Variants in PRKAR2B observed in about 807,000 individuals in gnomAD.
The protein encoded by PRKAR2B is protein kinase cAMP-dependent type II regulatory subunit beta, also known as cAMP-dependent protein kinase type II-beta regulatory subunit.
PRKAR2B carries 14 observed loss-of-function variants against 49.9 expected under a neutral mutation model. That is an observed-to-expected ratio of 0.28 (90% CI 0.19 to 0.44). PRKAR2B has a LOEUF of 0.44. Among genes scored for constraint, PRKAR2B ranks in the 20% least tolerant of loss-of-function variants. The pLI is 1.00. For synonymous variants in PRKAR2B, 196 were observed against 197.7 expected, an observed-to-expected ratio of 0.99 and a Z score of 0.07; for missense variants, 393 against 537.9, an observed-to-expected ratio of 0.73 and a Z score of 2.67.
rs1413812709 is a variant in PRKAR2B, at chr7:107,103,082, A to C, written c.344-18870A>C. 3.9e-5 allele frequency among the ~76,000 whole-genome samples: 6 copies of C among 152,234 alleles called. No individual in the cohort carries two copies. The East Asian group carries it at 1.2e-3, about 29-fold the overall frequency. On this transcript the variant is annotated intron_variant, in intron 2 of 10. Transcript: ENST00000265717. The stretch of plus-strand genomic sequence containing the variant: ...GAAATGTTCATATTTCAAACATAAG[A>C]AGGGATTAAAACAAAAATGTTTTCT...
chr7:107,058,306 C>T (rs1375491730), intron 1 of PRKAR2B, among the ~76,000 whole-genome samples: 1 of 152,086 alleles, frequency 6.6e-6, no homozygotes, highest in Non-Finnish European at 1.5e-5. Flanking sequence ...AAACTGTGTG[C>T]CTGAAATACA....
At chr7:107,124,553 G>A (rs917510698) in intron 3 of PRKAR2B, among the ~76,000 whole-genome samples, 2 of 152,232 alleles carry the variant, frequency 1.3e-5, no homozygotes, top group Non-Finnish European at 2.9e-5. Context: ...GAGTAGCTGG[G>A]ACTACAGGCA....
chr7:107,146,445 G>C lies in PRKAR2B; in HGVS notation c.725G>C (p.Gly242Ala). Residue 242 changes from glycine (G) to alanine (A), a missense_variant, in exon 6 of 11, where the codon GGT becomes GCT. Physicochemically the swap from Gly to Ala is moderately conservative, Grantham distance 60. Transcript: ENST00000265717. ...RAATITATSPGALWGLDRVTF... is the reference protein window; with the variant it reads ...RAATITATSPAALWGLDRVTF... ...GCTACAATCACTGCTACCTCTCCTG[G>C]TGCTCTGTGGGGTTTGGTGAGTAAA... 1 of 1,613,696 alleles carries C rather than the reference G, an allele frequency of 6.2e-7. No homozygotes were observed. The highest frequency in any genetic ancestry group is 8.5e-7 in the Non-Finnish European group (1 of 1,179,716).
At chr7:107,086,148 G>A (rs569764719) in intron 2 of PRKAR2B, among the ~76,000 whole-genome samples, 1 of 152,150 alleles carries the variant, frequency 6.6e-6, no homozygotes, top group East Asian at 1.9e-4. Flanking sequence ...ATTGTTGACC[G>A]TTTATATTTT....
chr7:107,084,395 A>C (rs1387515429), intron 2 of PRKAR2B, among the ~76,000 whole-genome samples: 1 of 152,190 alleles, frequency 6.6e-6, no homozygotes, highest in Admixed American at 6.6e-5. Flanking sequence ...TTTCAGCTAG[A>C]AATCTGAAAA....
chr7:107,149,341 G>A (rs1172241978), intron 6 of PRKAR2B, among the ~76,000 whole-genome samples: 1 of 152,046 alleles, frequency 6.6e-6, no homozygotes, highest in Non-Finnish European at 1.5e-5. Context: ...GTCCTTTTGG[G>A]GTGCTATGAC....
At chr7:107,126,850 G>A (rs189519375) in intron 3 of PRKAR2B, among the ~76,000 whole-genome samples, 2 of 152,274 alleles carry the variant, frequency 1.3e-5, no homozygotes, top group East Asian at 3.9e-4. Flanking sequence ...CTGTGTTTGT[G>A]TGTCATCTTA....
intron 10 of PRKAR2B, among the ~76,000 whole-genome samples, chr7:107,158,424 G>A (rs994271216): frequency 6.6e-6 from 1 of 152,122 alleles, no homozygotes; most frequent in Admixed American, 6.5e-5. Context: ...CTTTTTATTT[G>A]TGTGGGCTTC....
intron 2 of PRKAR2B, among the ~76,000 whole-genome samples, chr7:107,100,569 A>T (rs1299410608): frequency 6.6e-6 from 1 of 152,160 alleles, no homozygotes; most frequent in Non-Finnish European, 1.5e-5. Flanking sequence ...TTTTATTGTA[A>T]CATTTTTCTT....
At chr7:107,083,764 A>T (rs1794561101) in intron 2 of PRKAR2B, among the ~76,000 whole-genome samples, 1 of 151,670 alleles carries the variant, frequency 6.6e-6, no homozygotes, top group Non-Finnish European at 1.5e-5. Flanking sequence ...AGGCGCCCAC[A>T]ACCATGCCTG....
intron 2 of PRKAR2B, among the ~76,000 whole-genome samples, chr7:107,076,982 T>C (rs928602930): frequency 1.3e-5 from 2 of 152,162 alleles, no homozygotes; most frequent in Non-Finnish European, 2.9e-5. Context: ...TATGCTTCCT[T>C]TTGTTTTGTT....
intron 2 of PRKAR2B, among the ~76,000 whole-genome samples, chr7:107,098,622 C>G (rs1264570211): frequency 6.6e-6 from 1 of 152,278 alleles, no homozygotes; most frequent in East Asian, 1.9e-4. Flanking sequence ...AGCTTTTCTG[C>G]TCTGGTTTCT....
intron 1 of PRKAR2B, among the ~76,000 whole-genome samples, chr7:107,061,840 T>C (rs2116760644): frequency 6.6e-6 from 1 of 152,142 alleles, no homozygotes; most frequent in South Asian, 2.1e-4. Context: ...AAGGTTGCAG[T>C]GAACCAAGAC....
At chr7:107,089,627 AC>A (rs1241065476) in intron 2 of PRKAR2B, among the ~76,000 whole-genome samples, 2 of 152,250 alleles carry the variant, frequency 1.3e-5, no homozygotes, top group Non-Finnish European at 2.9e-5. Context: ...TTTTCTAAAA[AC>A]AATAAAGCTA....
intron 4 of PRKAR2B, among the ~76,000 whole-genome samples, chr7:107,129,276 A>G (rs1186851503): frequency 6.6e-6 from 1 of 152,212 alleles, no homozygotes; most frequent in East Asian, 1.9e-4. Flanking sequence ...TCCAGAACAC[A>G]GTACATTGTG....
intron 2 of PRKAR2B, among the ~76,000 whole-genome samples, chr7:107,083,614 G>C (rs1794558336): frequency 6.6e-6 from 1 of 151,620 alleles, no homozygotes; most frequent in South Asian, 2.1e-4. Flanking sequence ...GTTTTTTCTT[G>C]TTGTTGTTGT....
In PRKAR2B at chr7:107,044,898, C is replaced by T. The variant is rs759313831; in HGVS notation, c.-10C>T. Reference sequence around the variant, plus strand: ...GGCGGCGCCCAGGCGCCTGCCGCCCCGGAGGCAGGATGAGCATCGAGATCC... The same window carrying T: ...GGCGGCGCCCAGGCGCCTGCCGCCCTGGAGGCAGGATGAGCATCGAGATCC... On this transcript the variant is annotated 5_prime_UTR_variant, in exon 1 of 11. Transcript: ENST00000265717. 71 of 1,586,842 alleles carry T rather than the reference C, an allele frequency of 4.5e-5. No individual in the cohort carries two copies. Among genetic ancestry groups the T allele is most frequent in the Non-Finnish European group, 5.8e-5 (68 of 1,170,316 alleles).
chr7:107,092,270 CGT>C (rs1438828492), intron 2 of PRKAR2B, among the ~76,000 whole-genome samples: 1 of 110,742 alleles, frequency 9.0e-6, no homozygotes, highest in Non-Finnish European at 2.1e-5. Context: ...TGTGTGTGTG[CGT>C]GTGTCTGTGT....
intron 2 of PRKAR2B, among the ~76,000 whole-genome samples, chr7:107,106,438 A>C (rs1317188067): frequency 6.6e-6 from 1 of 152,144 alleles, no homozygotes; most frequent in African/African-American, 2.4e-5. Context: ...AATATTTGCA[A>C]CTCATGTCAA....
Sources: gnomAD v4.1 joint callset for allele counts (sites outside exome capture counted in the v4.1 genomes callset) on GRCh38, gnomAD v4.1.1 for gene constraint, MANE v1.5 for transcripts, NCBI Gene and HGNC (gene_info 2026-07-23, HGNC 2026-07-21) for gene names.